MYO5C: variants seen among roughly 807,000 people sequenced by gnomAD.
MYO5C encodes unconventional myosin-Vc.
MYO5C carries 194 observed loss-of-function variants against 235.7 expected under a neutral mutation model. That is an observed-to-expected ratio of 0.82 (90% CI 0.73 to 0.93). MYO5C has a LOEUF of 0.93. Ranked by LOEUF, MYO5C falls within the 40% of genes least tolerant of loss-of-function variation. The pLI, the probability that MYO5C is intolerant of heterozygous loss-of-function variation, is 0.00. For synonymous variants in MYO5C, 707 were observed against 754.8 expected (o/e 0.94, Z 1.04); for missense variants, 2,038 against 2,127.2 (o/e 0.96, Z 0.82).
At chr15:52,241,435 A>G (rs796263851) in intron 20 of MYO5C, among the ~76,000 whole-genome samples, 3 of 151,376 alleles carry the variant, frequency 2.0e-5, no homozygotes, top group African/African-American at 7.3e-5. Flanking sequence ...AATTTTTTGT[A>G]TTTTTAGTAG....
chr15:52,231,389 G>A (rs1734851999), intron 24 of MYO5C, among the ~76,000 whole-genome samples: 1 of 152,110 alleles, frequency 6.6e-6, no homozygotes, highest in South Asian at 2.1e-4. Flanking sequence ...AGCCCAAAAT[G>A]ACCTGGCCTC....
chr15:52,241,219 T>C (rs908632489), intron 20 of MYO5C, among the ~76,000 whole-genome samples: 5 of 151,212 alleles, frequency 3.3e-5, no homozygotes, highest in African/African-American at 1.2e-4. Flanking sequence ...GTGAGAGCTC[T>C]CTACAGTCTG....
At position 52,295,787 on chromosome 15, in the gene MYO5C, C is replaced by A. The variant is rs530342941; in HGVS notation, c.-151G>T. ...AAGTTTTCCAACGGCCTCCTGTTCCCGTTCCCGAGTTGGCGGCGAGGGGAG... is the reference window on the plus strand; with the variant it reads ...AAGTTTTCCAACGGCCTCCTGTTCCAGTTCCCGAGTTGGCGGCGAGGGGAG... On this transcript the variant is annotated 5_prime_UTR_variant, in exon 1 of 41. Transcript: ENST00000261839. 3 of 492,162 alleles carry A rather than the reference C, an allele frequency of 6.1e-6. No individual in the cohort carries two copies. Among genetic ancestry groups the A allele is most frequent in the Non-Finnish European group, 6.7e-6 (2 of 296,806 alleles). The allele number at this position is 492,162 out of a possible 1,614,324, so 30.5% of individuals were successfully genotyped here. A position where few individuals can be genotyped will look rare whatever the true frequency, so the allele number is the denominator to read the frequency against.
intron 30 of MYO5C, 31 bp from the exon 31 acceptor site, chr15:52,219,853 G>C (rs775621895): frequency 6.5e-7 from 1 of 1,538,526 alleles, no homozygotes; most frequent in Admixed American, 1.7e-5. Context: ...AGTACTTTGG[G>C]GGGGCACATA....
rs554018649 is a variant in MYO5C at position 52,244,192 on chromosome 15, G to A, written c.2390+164C>T. On this transcript the variant is annotated intron_variant, in intron 19 of 40. Coordinates refer to ENST00000261839, the MANE Select transcript of MYO5C (RefSeq NM_018728.4). ...CCAGCACTACCTGCCCCTGAGAGAC[G>A]GACCTTTCTTGCCCTAATGCTCACG... Among the ~76,000 whole-genome samples, 7 of 152,110 alleles carry A rather than the reference G, an allele frequency of 4.6e-5. No homozygotes were observed. The South Asian group carries it at 1.0e-3, about 23-fold the overall frequency.
intron 23 of MYO5C, among the ~76,000 whole-genome samples, chr15:52,233,550 G>A (rs2036014957): frequency 6.6e-6 from 1 of 152,186 alleles, no homozygotes; most frequent in Non-Finnish European, 1.5e-5. Flanking sequence ...ATGTCTGGGG[G>A]GTGAGGTGGC....
chr15:52,286,062 A>AG (rs973847267), intron 1 of MYO5C, among the ~76,000 whole-genome samples: 13 of 150,814 alleles, frequency 8.6e-5, no homozygotes, highest in African/African-American at 2.7e-4. Context: ...CTGGGATGTG[A>AG]GGAGCGTCTC....
chr15:52,209,352 A>G (rs1407512396), intron 35 of MYO5C, among the ~76,000 whole-genome samples: 1 of 152,226 alleles, frequency 6.6e-6, no homozygotes, highest in Non-Finnish European at 1.5e-5. Context: ...CTGTAGAGTG[A>G]TGGGTTAGAA....
At chr15:52,216,858 A>G (rs577267208) in intron 32 of MYO5C, among the ~76,000 whole-genome samples, 2 of 152,196 alleles carry the variant, frequency 1.3e-5, no homozygotes, top group Non-Finnish European at 2.9e-5. Context: ...ACAGATGGAA[A>G]AGAACACAGA....
intron 12 of MYO5C, among the ~76,000 whole-genome samples, chr15:52,253,014 C>G (rs2036505376): frequency 6.6e-6 from 1 of 152,232 alleles, no homozygotes; most frequent in South Asian, 2.1e-4. Flanking sequence ...TCACCGACAA[C>G]TTGAGTGGAG....
Position 52,272,697 on chromosome 15 carries a change from G to A in MYO5C, c.633C>T (p.Arg211=), listed in dbSNP as rs997720139. The change falls in exon 6 of 41, where the codon CGC becomes CGT. Residue 211 remains arginine, a synonymous_variant. Transcript: ENST00000261839. ...TEAVGNAKTT[R]NDNSSRFGKY... ...TCCCAAACCGACTACTATTGTCATT[G>A]CGGGTGGTCTTGGCATTTCCAACGG... The A allele has an allele frequency of 6.2e-7, 1 of 1,613,954 alleles. No individual in the cohort carries two copies. The highest frequency in any genetic ancestry group is 8.5e-7 in the Non-Finnish European group (1 of 1,179,980).
chr15:52,249,027 T>C (rs2036414705), intron 13 of MYO5C, among the ~76,000 whole-genome samples: 1 of 152,180 alleles, frequency 6.6e-6, no homozygotes, highest in South Asian at 2.1e-4. Flanking sequence ...ACCTGTTGGC[T>C]CCCTCTGGCC....
chr15:52,200,224 G>A lies in MYO5C; in HGVS notation c.4821-3741C>T, dbSNP rs547302346. On this transcript the variant is annotated intron_variant, in intron 38 of 40. Transcript: ENST00000261839. ...GGTCAGAACTTGCAGTCTGACCCAA[G>A]TGCATTGTCCGCCTGATGAAAATAT... Among the ~76,000 whole-genome samples, 15 of 152,256 alleles carry A rather than the reference G, an allele frequency of 9.9e-5. No individual in the cohort carries two copies. The South Asian group carries it at 2.7e-3, about 27-fold the overall frequency.
intron 23 of MYO5C, among the ~76,000 whole-genome samples, chr15:52,233,897 G>A (rs1274015369): frequency 3.9e-5 from 6 of 152,094 alleles, no homozygotes; most frequent in South Asian, 2.1e-4. Flanking sequence ...GTGCACCGTC[G>A]ATAGCAATTC....
rs1340684702 is a variant in MYO5C, at chr15:52,246,899, T to C, written c.1979+18A>G. On this transcript the variant is annotated intron_variant, in intron 16 of 40. Transcript: ENST00000261839. ...TGCCTTCCCACGTCTTCGCTGTGTG[T>C]TGCATAAGAACACTTACTCAAAGGG... is the stretch of plus-strand genomic sequence containing the variant. 6.2e-7 allele frequency: 1 copy of C among 1,600,212 alleles called. No individual in the cohort carries two copies. Among genetic ancestry groups the C allele is most frequent in the African/African-American group, 1.3e-5 (1 of 74,626 alleles).
intron 10 of MYO5C, chr15:52,256,982 G>T: frequency 5.4e-6 from 2 of 372,468 alleles, no homozygotes; most frequent in Admixed American, 4.1e-5. Context: ...GTCACCATAT[G>T]GTGTAGTCCG....
chr15:52,219,979 A>C (rs1221234396), intron 30 of MYO5C, among the ~76,000 whole-genome samples, 157 bp from the exon 31 acceptor site: 2 of 152,220 alleles, frequency 1.3e-5, no homozygotes, highest in Non-Finnish European at 2.9e-5. Flanking sequence ...GTCTTGGGCC[A>C]CATATAAAAT....
In MYO5C at chr15:52,278,858, T is replaced by C. The variant is rs1381270757; in HGVS notation, c.449+15A>G. On this transcript the variant is annotated intron_variant, in intron 4 of 40. Transcript: ENST00000261839. ...TTGGCAGAGCAAGGGGAAGTCCAGC[T>C]TGGCAGGAAGCTACCTGGCCATCTG... The C allele has an allele frequency of 1.9e-6, 3 of 1,613,172 alleles. No homozygotes were observed. The highest frequency in any genetic ancestry group is 1.1e-5 in the South Asian group (1 of 90,974).
chr15:52,294,949 A>G (rs1403992806), intron 1 of MYO5C, among the ~76,000 whole-genome samples: 1 of 152,182 alleles, frequency 6.6e-6, no homozygotes, highest in East Asian at 1.9e-4. Context: ...CTACGACTGC[A>G]CCTCGTGGCC....
Sources: gnomAD v4.1 joint callset for allele counts (sites outside exome capture counted in the v4.1 genomes callset) on GRCh38, gnomAD v4.1.1 for gene constraint, MANE v1.5 for transcripts, NCBI Gene and HGNC (gene_info 2026-07-23, HGNC 2026-07-21) for gene names.